Variants in WIPF3 observed in about 807,000 individuals in gnomAD.
WIPF3 encodes WAS/WASL-interacting protein family member 3.
A neutral mutation model predicts 38.9 loss-of-function variants in WIPF3; 33 were observed. That is an observed-to-expected ratio of 0.85 (90% CI 0.64 to 1.14). The LOEUF (loss-of-function observed/expected upper bound fraction) is 1.14, where lower values mean the gene tolerates loss of function less well. Among genes scored for constraint, WIPF3 ranks in the 50% most tolerant of loss-of-function variants. The pLI, the probability that WIPF3 is intolerant of heterozygous loss-of-function variation, is 0.00. For synonymous variants in WIPF3, 324 were observed against 269.3 expected (o/e 1.20, Z -1.99); for missense variants, 711 against 652.5 (o/e 1.09, Z -0.98).
intron 1 of WIPF3, among the ~76,000 whole-genome samples, chr7:29,818,894 C>T (rs1045096294): frequency 1.3e-5 from 2 of 152,118 alleles, no homozygotes; most frequent in African/African-American, 4.8e-5. Flanking sequence ...CTGTTTTATG[C>T]CCCTGCTATA....
At chr7:29,884,717 G>A (rs1785836430) in intron 5 of WIPF3, 124 bp downstream of exon 5, 1 of 1,372,486 alleles carries the variant, frequency 7.3e-7, no homozygotes, top group South Asian at 1.5e-5. Flanking sequence ...GAGGCAGAGA[G>A]ACTTGCCCAA....
chr7:29,855,491 G>T (rs1785172310), intron 2 of WIPF3, among the ~76,000 whole-genome samples: 1 of 152,190 alleles, frequency 6.6e-6, no homozygotes, highest in African/African-American at 2.4e-5. Context: ...TGCAACCTTG[G>T]ATGGTCTCAG....
In WIPF3 at chr7:29,828,754, C is replaced by G. The variant is rs570185620; in HGVS notation, c.-57-5914C>G. ...TAGCCCACCTCTGAGTGGGTGGTCA[C>G]AGCCTGCTCCCTGCTGGCAAGGGAT... On this transcript the variant is annotated intron_variant, in intron 1 of 8. Transcript: ENST00000242140. 2.5e-4 allele frequency among the ~76,000 whole-genome samples: 38 copies of G among 152,342 alleles called. No homozygotes were observed. The South Asian group carries it at 7.0e-3, about 28-fold the overall frequency.
chr7:29,891,194 AGGTGG>A, intron 7 of WIPF3, among the ~76,000 whole-genome samples: 1 of 120,456 alleles, frequency 8.3e-6, no homozygotes, highest in African/African-American at 3.2e-5. Flanking sequence ...CCCTGTGCTC[AGGTGG>A]AGGGGGCGAG....
rs747293544 is a variant in WIPF3 at position 29,884,374 on chromosome 7, C to T, written c.880C>T (p.Pro294Ser). 7.7e-6 allele frequency: 11 copies of T among 1,426,410 alleles called. No homozygotes were observed. The South Asian group carries it at 1.3e-4, about 17-fold the overall frequency. The allele number at this position is 1,426,410 out of a possible 1,614,324, so 88.4% of individuals were successfully genotyped here. ...QDAQEPPAPP[P>S]PLPPYASCSP... ...TGCGCAGGAGCCTCCCGCCCCGCCGCCCCCGCTCCCCCCTTATGCTTCTTG... is the reference window on the plus strand; with the variant it reads ...TGCGCAGGAGCCTCCCGCCCCGCCGTCCCCGCTCCCCCCTTATGCTTCTTG... The change falls in exon 5 of 9, where the codon CCC (proline) becomes TCC (serine). Residue 294 changes from proline to serine, a missense_variant. By Grantham distance (74) the Pro-to-Ser change is moderately conservative (BLOSUM62 -1). Transcript: ENST00000242140.
chr7:29,831,463 C>T (rs1784719662), intron 1 of WIPF3, among the ~76,000 whole-genome samples: 1 of 152,216 alleles, frequency 6.6e-6, no homozygotes, highest in African/African-American at 2.4e-5. Flanking sequence ...ATGGGCAACC[C>T]TTAGCCCAAT....
intron 1 of WIPF3, among the ~76,000 whole-genome samples, chr7:29,816,521 G>GA (rs1363105354): frequency 6.6e-6 from 1 of 151,894 alleles, no homozygotes; most frequent in African/African-American, 2.4e-5. Context: ...TAGAGATAGG[G>GA]ACCTGCTTTG....
At chr7:29,849,641 A>G (rs7790475) in intron 2 of WIPF3, among the ~76,000 whole-genome samples, 1 of 152,218 alleles carries the variant, frequency 6.6e-6, no homozygotes, top group Admixed American at 6.5e-5. Flanking sequence ...GGAGCCTTAA[A>G]GCCAACTCTA....
At position 29,894,787 on chromosome 7, in the gene WIPF3, AC is replaced by A. The variant is rs1213407165; in HGVS notation, c.1351+5381del. Among the ~76,000 whole-genome samples the A allele has an allele frequency of 6.0e-5, 9 of 150,734 alleles. No homozygotes were observed. The South Asian group carries it at 1.3e-3, about 21-fold the overall frequency. ...CTGACACACACACACACACACACACACGACACACACACGAGCACACACGCTT... is the reference window on the plus strand; with the variant it reads ...CTGACACACACACACACACACACACAGACACACACACGAGCACACACGCTT... On this transcript the variant is annotated intron_variant, in intron 7 of 8. Transcript: ENST00000242140.
At chr7:29,851,333 C>T (rs1022021044) in intron 2 of WIPF3, among the ~76,000 whole-genome samples, 4 of 152,194 alleles carry the variant, frequency 2.6e-5, no homozygotes, top group Admixed American at 6.5e-5. Flanking sequence ...AGCAAGTTCA[C>T]ACATCAGCTC....
intron 1 of WIPF3, among the ~76,000 whole-genome samples, chr7:29,810,500 G>GAA (rs1784355889): frequency 6.6e-6 from 1 of 152,070 alleles, no homozygotes. Context: ...ATGAATGAAT[G>GAA]AATGAATATC....
rs572507458 is a variant in WIPF3, at chr7:29,878,562, C to T, written c.224-447C>T. On this transcript the variant is annotated intron_variant, in intron 3 of 8. Transcript: ENST00000242140. This position sits in a 1 kb window ranked among gnomAD's most constrained non-coding sequence, Gnocchi z 4.0. The stretch of plus-strand genomic sequence containing the variant: ...ACCTCCTGCCTGCTGTTCTGGTCAG[C>T]GCTCTGTGGACAAGAAGTTAAAATG... 7.7e-4 allele frequency among the ~76,000 whole-genome samples: 117 copies of T among 152,286 alleles called. No individual in the cohort carries two copies. Among genetic ancestry groups the T allele is most frequent in the Admixed American group, 2.5e-3 (39 of 15,302 alleles).
intron 1 of WIPF3, among the ~76,000 whole-genome samples, chr7:29,832,270 G>C (rs1285974928): frequency 6.6e-6 from 1 of 152,168 alleles, no homozygotes; most frequent in African/African-American, 2.4e-5. Flanking sequence ...TCCTGTAAAA[G>C]AAAGTGTTAA....
chr7:29,894,625 A>G, intron 7 of WIPF3, among the ~76,000 whole-genome samples: 1 of 151,994 alleles, frequency 6.6e-6, no homozygotes, highest in Non-Finnish European at 1.5e-5. Flanking sequence ...CTTCTTGTTC[A>G]CTGTTGACCT....
chr7:29,828,534 G>C (rs1784661003), intron 1 of WIPF3, among the ~76,000 whole-genome samples: 1 of 152,168 alleles, frequency 6.6e-6, no homozygotes, highest in Admixed American at 6.5e-5. Flanking sequence ...TACATACCCA[G>C]ATTTCAAAAT....
At chr7:29,816,914 A>G (rs977490033) in intron 1 of WIPF3, among the ~76,000 whole-genome samples, 1 of 152,220 alleles carries the variant, frequency 6.6e-6, no homozygotes, top group African/African-American at 2.4e-5. Flanking sequence ...TTGAAATGTG[A>G]ATTTTTAAAT....
At chr7:29,808,340 T>G (rs1264259648) in intron 1 of WIPF3, among the ~76,000 whole-genome samples, 1 of 152,226 alleles carries the variant, frequency 6.6e-6, no homozygotes. Flanking sequence ...AAACATACAC[T>G]GCAGATGCCT....
At chr7:29,833,175 G>A (rs1784749009) in intron 1 of WIPF3, among the ~76,000 whole-genome samples, 2 of 152,204 alleles carry the variant, frequency 1.3e-5, no homozygotes, top group African/African-American at 4.8e-5. Flanking sequence ...AGGAGACAGT[G>A]GGGAGTTATT....
intron 1 of WIPF3, among the ~76,000 whole-genome samples, chr7:29,833,302 G>A (rs1784751291): frequency 6.6e-6 from 1 of 152,224 alleles, no homozygotes; most frequent in African/African-American, 2.4e-5. Context: ...ATACTTAAAA[G>A]GAGTTAAAAT....
Sources: gnomAD v4.1 joint callset for allele counts (sites outside exome capture counted in the v4.1 genomes callset) on GRCh38, gnomAD v4.1.1 for gene constraint, Gnocchi (gnomAD v3.1) non-coding constraint, MANE v1.5 for transcripts, NCBI Gene and HGNC (gene_info 2026-07-23, HGNC 2026-07-21) for gene names.